Variants in RIPK4 observed in about 807,000 individuals in gnomAD.
RIPK4 encodes the protein receptor interacting serine/threonine kinase 4.
In RIPK4, 17 loss-of-function variants were observed where a neutral mutation model predicts 42.9. The ratio of observed to expected loss-of-function variants is 0.40; its 90% CI spans 0.27 to 0.59. The LOEUF (loss-of-function observed/expected upper bound fraction) is 0.59, where lower values mean the gene tolerates loss of function less well. Among genes scored for constraint, RIPK4 ranks in the 20% least tolerant of loss-of-function variants. RIPK4 has a pLI of 0.47. For missense variants in RIPK4, 897 were observed against 1,104.4 expected (o/e 0.81, Z 2.66); for synonymous variants, 498 against 499.1 (o/e 1.00, Z 0.03).
intron 1 of RIPK4, among the ~76,000 whole-genome samples, chr21:41,757,379 G>A (rs1036243486): frequency 6.6e-5 from 10 of 151,762 alleles, no homozygotes; most frequent in Admixed American, 1.3e-4. Context: ...AAAATTAGCC[G>A]GGCATGGTGG....
At chr21:41,747,621 C>T (rs2061175872) in intron 4 of RIPK4, among the ~76,000 whole-genome samples, 1 of 152,216 alleles carries the variant, frequency 6.6e-6, no homozygotes, top group Non-Finnish European at 1.5e-5. Context: ...GCCAGGATTC[C>T]ATACAATGTT....
intron 2 of RIPK4, among the ~76,000 whole-genome samples, chr21:41,752,783 T>C (rs1448502801): frequency 6.6e-6 from 1 of 151,948 alleles, no homozygotes; most frequent in African/African-American, 2.4e-5. Context: ...TGAGAACACA[T>C]GGACAGAGGG....
chr21:41,756,142 C>G (rs574484016), intron 2 of RIPK4, among the ~76,000 whole-genome samples: 1 of 152,308 alleles, frequency 6.6e-6, no homozygotes, highest in African/African-American at 2.4e-5. Flanking sequence ...GGAAATGCGT[C>G]CCTTTGTTGC....
chr21:41,747,633 T>C (rs2061175938), intron 4 of RIPK4, among the ~76,000 whole-genome samples: 1 of 152,240 alleles, frequency 6.6e-6, no homozygotes, highest in African/African-American at 2.4e-5. Flanking sequence ...TACAATGTTT[T>C]GCTCCACTTT....
At chr21:41,757,600 G>C (rs1355854481) in intron 1 of RIPK4, among the ~76,000 whole-genome samples, 1 of 151,464 alleles carries the variant, frequency 6.6e-6, no homozygotes, top group Non-Finnish European at 1.5e-5. Context: ...CAATACCTGA[G>C]TTGGCCCAGT....
chr21:41,753,617 T>C (rs1601680786), intron 2 of RIPK4, among the ~76,000 whole-genome samples: 1 of 152,330 alleles, frequency 6.6e-6, no homozygotes, highest in South Asian at 2.1e-4. Context: ...GCATCCACTC[T>C]GACCAGCAAA....
At chr21:41,766,495 G>T (rs569727116) in intron 1 of RIPK4, among the ~76,000 whole-genome samples, 362 of 152,266 alleles carry the variant, frequency 2.4e-3, no homozygotes, top group African/African-American at 8.3e-3. Flanking sequence ...GAGGCGCAAG[G>T]CGAGCTGGAG....
Position 41,741,878 on chromosome 21 carries a change from C to G in RIPK4, c.1315G>C (p.Ala439Pro), listed in dbSNP as rs1601673902. The change falls in exon 8 of 8, where the codon GCC (alanine) becomes CCC (proline). Residue 439 changes from alanine (A) to proline (P), a missense_variant. Coordinates refer to ENST00000332512, the MANE Select transcript of RIPK4 (RefSeq NM_020639.3). ...QDVDLALDSG[A>P]SLLHLAVEAG... ...TCCACCGCCAGGTGCAGCAGGCTGG[C>G]ACCGCTGTCCAGTGCCAGGTCCACG... 6.2e-7 allele frequency: 1 copy of G among 1,613,460 alleles called. No individual in the cohort carries two copies. The highest frequency in any genetic ancestry group is 1.1e-5 in the South Asian group (1 of 91,076).
At chr21:41,746,086 G>A (rs1331713798) in intron 5 of RIPK4, 1 of 703,894 alleles carries the variant, frequency 1.4e-6, no homozygotes, top group Non-Finnish European at 2.6e-6. Context: ...CAAGGCGGAA[G>A]CCTTCCCCGG....
chr21:41,759,632 G>A (rs1389405513), intron 1 of RIPK4, among the ~76,000 whole-genome samples: 1 of 152,216 alleles, frequency 6.6e-6, no homozygotes, highest in African/African-American at 2.4e-5. Context: ...CTCGGACACA[G>A]GCCTGCTCCT....
intron 6 of RIPK4, 104 bp from the exon 7 acceptor site, chr21:41,744,244 TG>T: frequency 8.7e-7 from 1 of 1,154,846 alleles, no homozygotes; most frequent in Non-Finnish European, 1.2e-6. Context: ...GGGAGGGAGA[TG>T]GGGGAGGAAA....
chr21:41,741,805 T>C lies in RIPK4; in HGVS notation c.1388A>G (p.Asn463Ser), dbSNP rs776096528. 4 of 1,611,210 alleles carry C rather than the reference T, an allele frequency of 2.5e-6. No individual in the cohort carries two copies. Among genetic ancestry groups the C allele is most frequent in the East Asian group, 2.2e-5 (1 of 44,866 alleles). The stretch of plus-strand genomic sequence containing the variant: ...GCCCCTACGGTTGCTCAGGTTGGGG[T>C]TGGCATTGTTGAGCAGCAGCCACTT... ...CAKWLLLNNA[N>S]PNLSNRRGST... is the part of the protein sequence containing the mutation. Residue 463 changes from asparagine (N) to serine (S), a missense_variant, in exon 8 of 8, where the codon AAC becomes AGC. Transcript: ENST00000332512.
At chr21:41,758,041 T>TATATATATATATATAGAG (rs1452050960) in intron 1 of RIPK4, among the ~76,000 whole-genome samples, 1 of 58,516 alleles carries the variant, frequency 1.7e-5, no homozygotes, top group Non-Finnish European at 2.8e-5. Flanking sequence ...TATATATATA[T>TATATATATATATATAGAG]AGAGAGAGAG....
At chr21:41,747,999 ACCTGTC>A (rs1163030913) in intron 4 of RIPK4, among the ~76,000 whole-genome samples, 3 of 152,208 alleles carry the variant, frequency 2.0e-5, no homozygotes. Context: ...TTGAGCCTTG[ACCTGTC>A]CCCTGCGCCT....
At position 41,743,947 on chromosome 21, in the gene RIPK4, A is replaced by G. The variant is rs754043527; in HGVS notation, c.1130T>C (p.Val377Ala). The G allele has an allele frequency of 1.9e-6, 3 of 1,613,298 alleles. No individual in the cohort carries two copies. In the East Asian group the frequency reaches 6.7e-5, roughly 36 times the overall value. The change falls in exon 7 of 8, where the codon GTG (valine) becomes GCG (alanine). Residue 377 changes from valine (V) to alanine (A), a missense_variant. Coordinates refer to ENST00000332512, the MANE Select transcript of RIPK4 (RefSeq NM_020639.3). The part of the protein sequence containing the change: ...SGKRLSGVSS[V>A]DSAFSSRGSL... ...TCCTCTGGAAGAGAAGGCGGAGTCCACCGAGGACACCCCCGAGAGCCTCTT... is the reference window on the plus strand; with the variant it reads ...TCCTCTGGAAGAGAAGGCGGAGTCCGCCGAGGACACCCCCGAGAGCCTCTT...
intron 1 of RIPK4, among the ~76,000 whole-genome samples, chr21:41,764,121 C>T (rs2061229281): frequency 6.6e-6 from 1 of 152,192 alleles, no homozygotes; most frequent in Non-Finnish European, 1.5e-5. Flanking sequence ...CAGGCACTTC[C>T]TGTCCCTGGG....
Position 41,761,505 on chromosome 21 carries a change from ACT to A in RIPK4, c.183-4691_183-4690del, listed in dbSNP as rs761226423. On this transcript the variant is annotated intron_variant, in intron 1 of 7. Transcript: ENST00000332512. ...CCAGTGTGGCCTCCCTCCTCCGGAC[ACT>A]CTGCCCCGGGGCGCTGGCGAAAGTC... 4.6e-4 allele frequency among the ~76,000 whole-genome samples: 70 copies of A among 151,942 alleles called. 1 individual carries two copies. The highest frequency in any genetic ancestry group is 8.8e-4 in the Non-Finnish European group (60 of 67,998).
At position 41,766,880 on chromosome 21, in the gene RIPK4, G is replaced by A; in HGVS notation, c.162C>T (p.Pro54=). 6.2e-7 allele frequency: 1 copy of A among 1,610,118 alleles called. No individual in the cohort carries two copies. ...WKTWLAIKCS[P]SLHVDDRERM... Reference sequence around the variant, plus strand: ...CTCACCTGTCGTCGACGTGCAGGCTGGGCGAGCACTTGATGGCCAGCCAGG... The same window carrying A: ...CTCACCTGTCGTCGACGTGCAGGCTAGGCGAGCACTTGATGGCCAGCCAGG... Residue 54 remains proline (P), a synonymous_variant, in exon 1 of 8, where the codon CCC becomes CCT. Transcript: ENST00000332512.
In RIPK4 at chr21:41,746,607, G is replaced by T; in HGVS notation, c.832+6C>A. ...GAATGTGGCGGGGAGACCCCGGGGT[G>T]CTCACCTTGGAAGGTGGGCCTAACT... On this transcript the variant is annotated splice_donor_region_variant and intron_variant, in intron 5 of 7. Coordinates refer to ENST00000332512, the MANE Select transcript of RIPK4 (RefSeq NM_020639.3). 6.2e-7 allele frequency: 1 copy of T among 1,607,114 alleles called. No individual in the cohort carries two copies. The highest frequency in any genetic ancestry group is 8.5e-7 in the Non-Finnish European group (1 of 1,178,760).
Sources: gnomAD v4.1 joint callset for allele counts (sites outside exome capture counted in the v4.1 genomes callset) on GRCh38, gnomAD v4.1.1 for gene constraint, MANE v1.5 for transcripts, NCBI Gene and HGNC (gene_info 2026-07-23, HGNC 2026-07-21) for gene names.